The following PHRF1 variants were observed in gnomAD, a reference collection of about 807,000 sequenced individuals.
PHRF1 encodes PHD and RING finger domain-containing protein 1.
PHRF1 carries 53 observed loss-of-function variants against 128.9 expected under a neutral mutation model. The observed-to-expected ratio is 0.41, with a 90% confidence interval of 0.33 to 0.52. The LOEUF is 0.52. Ranked by LOEUF, PHRF1 falls within the 20% of genes least tolerant of loss-of-function variation. The pLI is 0.21. For synonymous variants in PHRF1, 1,178 were observed against 980.6 expected, an observed-to-expected ratio of 1.20 and a Z score of -3.76; for missense variants, 2,503 against 2,284.5, an observed-to-expected ratio of 1.10 and a Z score of -1.95.
At chr11:583,269 T>G (rs1294161735) in intron 3 of PHRF1, among the ~76,000 whole-genome samples, 1 of 146,416 alleles carries the variant, frequency 6.8e-6, no homozygotes, top group Non-Finnish European at 1.5e-5. Context: ...AACCCGGGAG[T>G]CGGAGGTTGC....
At position 605,132 on chromosome 11, in the gene PHRF1, C is replaced by G. The variant is rs757124843; in HGVS notation, c.1166C>G (p.Thr389Ser). ...RGKKVKSEAT[T>S]RSRIARTLGL... ...TACTGGATTCAGAGTGAAGCCACCA[C>G]TCGCTCTCGAATCGCGCGGACGCTG... The change falls in exon 11 of 18, where the codon ACT becomes AGT. Residue 389 changes from threonine to serine, a missense_variant. Thr to Ser is a moderately conservative substitution (Grantham distance 58). Coordinates refer to ENST00000264555, the MANE Select transcript of PHRF1 (RefSeq NM_001286581.2). 1 of 1,610,008 alleles carries G rather than the reference C, an allele frequency of 6.2e-7. No homozygotes were observed. Among genetic ancestry groups the G allele is most frequent in the East Asian group, 2.2e-5 (1 of 44,784 alleles).
At chr11:590,846 G>A (rs1160212235) in intron 4 of PHRF1, among the ~76,000 whole-genome samples, 1 of 152,042 alleles carries the variant, frequency 6.6e-6, no homozygotes. Flanking sequence ...TGGGGTTACA[G>A]GTATGCGCCA....
intron 6 of PHRF1, among the ~76,000 whole-genome samples, chr11:594,421 A>G (rs770968815): frequency 6.6e-6 from 1 of 151,850 alleles, no homozygotes; most frequent in Non-Finnish European, 1.5e-5. Context: ...TATTTTACTC[A>G]TTTACTTATT....
chr11:576,730 G>GGCGGGCGC (rs1174213092), intron 1 of PHRF1, 138 bp downstream of exon 1: 1 of 147,914 alleles, frequency 6.8e-6, no homozygotes, highest in Non-Finnish European at 1.5e-5. Context: ...CGGGAGGGCG[G>GGCGGGCGC]GCGGGCGCGC....
Position 607,432 on chromosome 11 carries a change from G to A in PHRF1, c.1976G>A (p.Arg659His), listed in dbSNP as rs763201068. ...ISSRDSKPPC[R>H]SVVPGPPLKP... ...AGCAGAGATTCTAAGCCCCCATGTC[G>A]CAGTGTGGTGCCGGGGCCTCCCCTG... The change falls in exon 14 of 18, where the codon CGC becomes CAC. Residue 659 changes from arginine (R) to histidine (H), a missense_variant. Coordinates refer to ENST00000264555, the MANE Select transcript of PHRF1 (RefSeq NM_001286581.2). The A allele has an allele frequency of 8.1e-6, 13 of 1,612,724 alleles. No homozygotes were observed. Among genetic ancestry groups the A allele is most frequent in the African/African-American group, 5.3e-5 (4 of 74,944 alleles).
chr11:599,394 G>A (rs1167786104), intron 9 of PHRF1, among the ~76,000 whole-genome samples: 1 of 151,408 alleles, frequency 6.6e-6, no homozygotes, highest in Non-Finnish European at 1.5e-5. Flanking sequence ...GGAATTACAG[G>A]CACCCGCCAC....
intron 3 of PHRF1, 147 bp from the exon 4 acceptor site, chr11:587,112 C>T (rs746066700): frequency 4.5e-4 from 323 of 714,792 alleles, no homozygotes; most frequent in Non-Finnish European, 6.5e-4. Context: ...TGAGCGTGGA[C>T]GTGGAGGTAA....
rs112877118 is a variant in PHRF1, at chr11:607,356, G to T, written c.1900G>T (p.Gly634Cys). The change falls in exon 14 of 18, where the codon GGC (glycine) becomes TGC (cysteine). Residue 634 changes from glycine to cysteine, a missense_variant. Gly to Cys is a radical substitution (Grantham distance 159). Transcript: ENST00000264555. ...ACAGAGCCACAGCCCCTGGTTCAAC[G>T]GCACCAACAAGCACACCTTGCCCCT... Reference protein sequence around the residue: ...FRQSHSPWFNGTNKHTLPLAS... With the variant: ...FRQSHSPWFNCTNKHTLPLAS... 1 of 1,612,760 alleles carries T rather than the reference G, an allele frequency of 6.2e-7. No individual in the cohort carries two copies. The highest frequency in any genetic ancestry group is 2.2e-5 in the East Asian group (1 of 44,882).
intron 9 of PHRF1, among the ~76,000 whole-genome samples, chr11:600,823 G>A (rs1359712932): frequency 6.6e-6 from 1 of 152,062 alleles, no homozygotes; most frequent in Non-Finnish European, 1.5e-5. Context: ...AAAATTAGCC[G>A]GGCATGGTGG....
chr11:611,447 G>GA (rs1186852531), intron 17 of PHRF1, among the ~76,000 whole-genome samples, 187 bp from the exon 18 acceptor site: 4 of 152,324 alleles, frequency 2.6e-5, no homozygotes, highest in African/African-American at 9.6e-5. Context: ...GTGGCCTTGT[G>GA]AGCGGCATAG....
chr11:577,826 ATTCCT>A (rs2134153964), intron 1 of PHRF1, among the ~76,000 whole-genome samples: 1 of 152,366 alleles, frequency 6.6e-6, no homozygotes, highest in South Asian at 2.1e-4. Flanking sequence ...GGCCCTTTTC[ATTCCT>A]TAGTAACAGT....
rs372302891 is a variant in PHRF1, at chr11:607,955, C to T, written c.2499C>T (p.Ser833=). 30 of 1,611,950 alleles carry T rather than the reference C, an allele frequency of 1.9e-5. No homozygotes were observed. Among genetic ancestry groups the T allele is most frequent in the Middle Eastern group, 1.6e-4 (1 of 6,084 alleles). The change falls in exon 14 of 18, where the codon TCC becomes TCT. Residue 833 remains serine, a synonymous_variant. Transcript: ENST00000264555. The part of the protein sequence containing the change: ...KQLRSEVYDP[S]DPTGSDSSAP... ...TGCGGAGCGAGGTCTACGACCCATC[C>T]GACCCCACCGGCTCCGACTCCAGCG...
rs1376181321 is a variant in PHRF1 at position 607,142 on chromosome 11, A to G, written c.1686A>G (p.Arg562=). Reference sequence around the variant, plus strand: ...GATTCAAGGGCTGCCTGCAGCCCCGAGCACTGCCCTCCGGGAGCCCGGCCC... The same window carrying G: ...GATTCAAGGGCTGCCTGCAGCCCCGGGCACTGCCCTCCGGGAGCCCGGCCC... ...EEGFKGCLQP[R]ALPSGSPAQG... is the part of the protein sequence containing the mutation. Residue 562 remains arginine (R), a synonymous_variant, in exon 14 of 18, where the codon CGA becomes CGG. Transcript: ENST00000264555. 1.9e-6 allele frequency: 3 copies of G among 1,612,930 alleles called. No homozygotes were observed. The highest frequency in any genetic ancestry group is 2.5e-6 in the Non-Finnish European group (3 of 1,179,750).
intron 3 of PHRF1, among the ~76,000 whole-genome samples, chr11:583,409 C>G (rs979264745): frequency 6.6e-6 from 1 of 151,922 alleles, no homozygotes; most frequent in Non-Finnish European, 1.5e-5. Flanking sequence ...CCCCACTACT[C>G]AGGAGGCTGA....
intron 9 of PHRF1, among the ~76,000 whole-genome samples, chr11:600,836 G>A (rs1855584786): frequency 6.6e-6 from 1 of 152,018 alleles, no homozygotes; most frequent in Admixed American, 6.5e-5. Context: ...CATGGTGGCG[G>A]GCGCCTGTAG....
Position 609,728 on chromosome 11 carries a change from G to T in PHRF1, c.4264+8G>T, listed in dbSNP as rs374859625. 1.4e-6 allele frequency: 2 copies of T among 1,448,942 alleles called. No individual in the cohort carries two copies. Among genetic ancestry groups the T allele is most frequent in the African/African-American group, 2.9e-5 (2 of 69,426 alleles). The allele number at this position is 1,448,942 out of a possible 1,614,324, so 89.8% of individuals were successfully genotyped here. A position where few individuals can be genotyped will look rare whatever the true frequency, so the allele number is the denominator to read the frequency against. On this transcript the variant is annotated splice_region_variant and intron_variant, in intron 14 of 17. Coordinates refer to ENST00000264555, the MANE Select transcript of PHRF1 (RefSeq NM_001286581.2). ...CCGAGGACAGAGCCCCCCGTGAGTA[G>T]TGCCCCGGCCCCCACCGAGGACAGA... is the stretch of plus-strand genomic sequence containing the variant.
chr11:600,687 C>T (rs972531533), intron 9 of PHRF1, among the ~76,000 whole-genome samples: 2 of 151,860 alleles, frequency 1.3e-5, no homozygotes, highest in African/African-American at 4.8e-5. Flanking sequence ...AAAAATTAGG[C>T]CAGGCATGGT....
chr11:583,257 G>T (rs2134185115), intron 3 of PHRF1, among the ~76,000 whole-genome samples: 1 of 151,508 alleles, frequency 6.6e-6, no homozygotes, highest in African/African-American at 2.4e-5. Context: ...GAGAATTGCT[G>T]GAACCCGGGA....
rs758420556 is a variant in PHRF1 at position 608,026 on chromosome 11, C to A, written c.2570C>A (p.Ser857Tyr). ...AGGTCTGGCCCCGGCCTCCTGCCCT[C>A]TGAGATCACACGAACCATCTCCATC... ...PERSGPGLLP[S>Y]EITRTISINS... Residue 857 changes from serine to tyrosine, a missense_variant, in exon 14 of 18, where the codon TCT becomes TAT. By Grantham distance (144) the Ser-to-Tyr change is moderately radical. Transcript: ENST00000264555. 9 of 1,611,300 alleles carry A rather than the reference C, an allele frequency of 5.6e-6. No individual in the cohort carries two copies.
Sources: allele counts gnomAD v4.1 joint callset (sites outside exome capture counted in the v4.1 genomes callset), GRCh38; gene constraint gnomAD v4.1.1; transcripts MANE v1.5; gene names NCBI Gene and HGNC (gene_info 2026-07-23, HGNC 2026-07-21).